The following SPRR2G variants were observed in gnomAD, a reference collection of about 807,000 sequenced individuals.
SPRR2G encodes small proline-rich protein 2G.
In SPRR2G, 1 loss-of-function variant was observed where a neutral mutation model predicts 0.7. That is an observed-to-expected ratio of 1.49 (90% CI 0.53 to 7.06). The LOEUF (loss-of-function observed/expected upper bound fraction) is 7.06, where lower values mean the gene tolerates loss of function less well. SPRR2G is among the 30% of genes most tolerant of loss of function. The pLI, the probability that SPRR2G is intolerant of heterozygous loss-of-function variation, is 0.14. For synonymous variants in SPRR2G, 38 were observed against 33.9 expected, an observed-to-expected ratio of 1.12 and a Z score of -0.42; for missense variants, 96 against 88.5, an observed-to-expected ratio of 1.09 and a Z score of -0.34.
At chr1:153,196,998 T>A in the SPRR2G span, among the ~76,000 whole-genome samples, 1 of 152,076 alleles carries the variant, frequency 6.6e-6, no homozygotes, top group Admixed American at 6.6e-5. Context: ...CCGGTAGAGC[T>A]TCACTCAAGA....
chr1:153,173,186 C>A, the SPRR2G span, among the ~76,000 whole-genome samples: 5,697 of 152,268 alleles, frequency 0.037, 338 homozygotes, highest in Admixed American at 0.15. Flanking sequence ...TATTCAGAAA[C>A]CACAAAGAAC....
the SPRR2G span, among the ~76,000 whole-genome samples, chr1:153,171,876 A>C: frequency 6.6e-6 from 1 of 152,064 alleles, no homozygotes; most frequent in African/African-American, 2.4e-5. Flanking sequence ...TCCCCTCTTG[A>C]GCTCTGCCCA....
At chr1:153,197,643 T>C in the SPRR2G span, among the ~76,000 whole-genome samples, 1 of 152,102 alleles carries the variant, frequency 6.6e-6, no homozygotes, top group Non-Finnish European at 1.5e-5. Flanking sequence ...GAAGACAGCA[T>C]TGCCCCCCGG....
chr1:153,154,608 A>C (rs185681515), upstream of SPRR2G, among the ~76,000 whole-genome samples: 2 of 152,058 alleles, frequency 1.3e-5, no homozygotes, highest in East Asian at 3.9e-4. Flanking sequence ...GTAATTTATC[A>C]ATTTCTTCTA....
chr1:153,186,786 C>A, the SPRR2G span, among the ~76,000 whole-genome samples: 1 of 152,188 alleles, frequency 6.6e-6, no homozygotes. Context: ...ACAGATTCTT[C>A]ATAGTGTCGT....
the SPRR2G span, among the ~76,000 whole-genome samples, chr1:153,175,475 G>A: frequency 2.0e-5 from 3 of 152,152 alleles, no homozygotes; most frequent in Non-Finnish European, 4.4e-5. Flanking sequence ...TATGTGCCAG[G>A]TTCGTTCTTC....
chr1:153,171,114 C>T, the SPRR2G span, among the ~76,000 whole-genome samples: 1 of 152,190 alleles, frequency 6.6e-6, no homozygotes, highest in African/African-American at 2.4e-5. Context: ...TTTGTTCACA[C>T]CTGCCTTAAA....
the SPRR2G span, among the ~76,000 whole-genome samples, chr1:153,198,985 C>A: frequency 5.9e-5 from 9 of 152,094 alleles, no homozygotes; most frequent in African/African-American, 1.9e-4. Context: ...CACAGAGGAC[C>A]AAAAGGGAAG....
At chr1:153,184,412 A>G in the SPRR2G span, among the ~76,000 whole-genome samples, 1 of 152,162 alleles carries the variant, frequency 6.6e-6, no homozygotes, top group East Asian at 1.9e-4. Context: ...ATCCTTGAAG[A>G]GGTCCTTCAC....
the SPRR2G span, among the ~76,000 whole-genome samples, chr1:153,197,729 G>A: frequency 2.0e-3 from 301 of 152,296 alleles, 1 homozygote; most frequent in African/African-American, 6.5e-3. Flanking sequence ...CTGCAGCAGG[G>A]TGGGGGTCCA....
At chr1:153,192,646 T>C in the SPRR2G span, among the ~76,000 whole-genome samples, 1 of 152,110 alleles carries the variant, frequency 6.6e-6, no homozygotes, top group Non-Finnish European at 1.5e-5. Context: ...AAACAAAGAG[T>C]AGAGCTTCTG....
At chr1:153,187,096 G>T in the SPRR2G span, among the ~76,000 whole-genome samples, 1 of 152,134 alleles carries the variant, frequency 6.6e-6, no homozygotes. Flanking sequence ...CCCTTTGTAG[G>T]TAACCTGACC....
chr1:153,171,569 A>G, the SPRR2G span, among the ~76,000 whole-genome samples: 12 of 152,124 alleles, frequency 7.9e-5, no homozygotes, highest in African/African-American at 2.9e-4. Context: ...ACCACTACGG[A>G]CATTTCTTCA....
the SPRR2G span, among the ~76,000 whole-genome samples, chr1:153,170,378 C>T: frequency 6.6e-6 from 1 of 152,110 alleles, no homozygotes; most frequent in Non-Finnish European, 1.5e-5. Context: ...TAATTGGTAA[C>T]TTTAATAAAG....
At chr1:153,173,420 T>C in the SPRR2G span, among the ~76,000 whole-genome samples, 3 of 151,446 alleles carry the variant, frequency 2.0e-5, no homozygotes, top group African/African-American at 7.3e-5. Flanking sequence ...TAGAGGGAAA[T>C]GATGGAGGCT....
the SPRR2G span, among the ~76,000 whole-genome samples, chr1:153,166,993 GA>G: frequency 6.6e-6 from 1 of 152,170 alleles, no homozygotes; most frequent in African/African-American, 2.4e-5. Context: ...GAATGGAGAA[GA>G]GGGGCCGAGA....
chr1:153,197,936 A>G, the SPRR2G span, among the ~76,000 whole-genome samples: 1 of 152,242 alleles, frequency 6.6e-6, no homozygotes, highest in Non-Finnish European at 1.5e-5. Flanking sequence ...CACACACTGG[A>G]CACTGCAGAA....
At chr1:153,159,459 G>T in the SPRR2G span, among the ~76,000 whole-genome samples, 1 of 152,326 alleles carries the variant, frequency 6.6e-6, no homozygotes, top group African/African-American at 2.4e-5. Context: ...TATCTAGGAA[G>T]TTCCAAATTT....
chr1:153,153,780 A>T (rs1057235454), upstream of SPRR2G, among the ~76,000 whole-genome samples: 2 of 152,192 alleles, frequency 1.3e-5, no homozygotes, highest in Non-Finnish European at 2.9e-5. Flanking sequence ...CTATTTTAAT[A>T]AATAAAGATA....
Sources: gnomAD v4.1 joint callset for allele counts (sites outside exome capture counted in the v4.1 genomes callset) on GRCh38, gnomAD v4.1.1 for gene constraint, MANE v1.5 for transcripts, NCBI Gene and HGNC (gene_info 2026-07-23, HGNC 2026-07-21) for gene names.